The following ACSM2A variants were observed in gnomAD, a reference collection of about 807,000 sequenced individuals.
ACSM2A encodes acyl-CoA synthetase medium chain family member 2A.
In ACSM2A, 72 loss-of-function variants were observed where a neutral mutation model predicts 76.6. The ratio of observed to expected loss-of-function variants is 0.94; its 90% CI spans 0.78 to 1.14. The LOEUF (loss-of-function observed/expected upper bound fraction) is 1.14. Among genes scored for constraint, ACSM2A ranks in the 50% most tolerant of loss-of-function variants. ACSM2A has a pLI of 0.00. For missense variants in ACSM2A, 684 were observed against 708.5 expected, an observed-to-expected ratio of 0.97 and a Z score of 0.39; for synonymous variants, 249 against 255.9, an observed-to-expected ratio of 0.97 and a Z score of 0.26.
Position 20,483,224 on chromosome 16 carries a change from G to C in ACSM2A, c.1629+47G>C, listed in dbSNP as rs749480960. On this transcript the variant is annotated intron_variant, in intron 13 of 13. Transcript: ENST00000573854. ...GTCACTCAAACTTGAGAAATAGATTGTTTTCCTGTTATATTTATCTTCTTC... is the reference window on the plus strand; with the variant it reads ...GTCACTCAAACTTGAGAAATAGATTCTTTTCCTGTTATATTTATCTTCTTC... The C allele has an allele frequency of 3.7e-6, 6 of 1,603,726 alleles. No individual in the cohort carries two copies. In the South Asian group the frequency reaches 5.5e-5, roughly 15 times the overall value.
intron 10 of ACSM2A, among the ~76,000 whole-genome samples, chr16:20,479,478 G>A (rs770336495): frequency 6.6e-5 from 10 of 152,132 alleles, no homozygotes; most frequent in Non-Finnish European, 1.3e-4. Flanking sequence ...GCTCTACTAT[G>A]TATTGCATGA....
intron 2 of ACSM2A, among the ~76,000 whole-genome samples, chr16:20,462,178 G>T (rs1363616848): frequency 6.6e-6 from 1 of 152,130 alleles, no homozygotes; most frequent in Non-Finnish European, 1.5e-5. Context: ...AAGTTACAAA[G>T]TGTGACTTCT....
intron 12 of ACSM2A, 179 bp from the exon 13 acceptor site, chr16:20,482,879 C>T: frequency 1.0e-6 from 1 of 968,564 alleles, no homozygotes; most frequent in Non-Finnish European, 1.5e-6. Flanking sequence ...TAAATGACTT[C>T]AGAGAGAGCT....
In ACSM2A at chr16:20,471,093, A is replaced by G. The variant is rs1187792770; in HGVS notation, c.617A>G (p.His206Arg). ...GTCAGTGAGGCATCCACCACTCATC[A>G]CTGTGTGGAGACTGGAAGCCAGGAA... The part of the protein sequence containing the change: ...KLLNEASTTH[H>R]CVETGSQEAS... Residue 206 changes from histidine to arginine, a missense_variant, in exon 5 of 14, where the codon CAC (histidine) becomes CGC (arginine). By Grantham distance (29) the His-to-Arg change is conservative (BLOSUM62 0). Coordinates refer to ENST00000573854, the MANE Select transcript of ACSM2A (RefSeq NM_001308172.2). 1 of 1,613,442 alleles carries G rather than the reference A, an allele frequency of 6.2e-7. No homozygotes were observed. Among genetic ancestry groups the G allele is most frequent in the African/African-American group, 1.3e-5 (1 of 74,874 alleles).
intron 2 of ACSM2A, among the ~76,000 whole-genome samples, chr16:20,461,703 C>G (rs551159543): frequency 6.6e-6 from 1 of 152,248 alleles, no homozygotes; most frequent in Admixed American, 6.5e-5. Flanking sequence ...ATAAAAATTT[C>G]TCACCCTCCC....
At chr16:20,478,435 GT>G in intron 9 of ACSM2A, 140 bp from the exon 10 acceptor site, 1 of 914,696 alleles carries the variant, frequency 1.1e-6, no homozygotes, top group East Asian at 2.8e-5. Context: ...AGACTCTTGG[GT>G]TCCCCTGGCT....
chr16:20,465,872 C>G, intron 3 of ACSM2A, 145 bp downstream of exon 3: 2 of 1,426,232 alleles, frequency 1.4e-6, no homozygotes, highest in Non-Finnish European at 1.8e-6. Context: ...CTCCCTACTT[C>G]CACTTATTTA....
At chr16:20,460,525 A>C (rs1792339199) in intron 2 of ACSM2A, among the ~76,000 whole-genome samples, 1 of 152,124 alleles carries the variant, frequency 6.6e-6, no homozygotes. Context: ...GGCAGCCAAC[A>C]CACAGTTTGT....
intron 2 of ACSM2A, among the ~76,000 whole-genome samples, chr16:20,461,674 A>T (rs1379394650): frequency 2.0e-5 from 3 of 152,176 alleles, no homozygotes; most frequent in Admixed American, 6.5e-5. Flanking sequence ...AAAAAAGTGA[A>T]CTCAAATGGC....
chr16:20,475,222 C>T (rs866736598), intron 6 of ACSM2A, 140 bp from the exon 7 acceptor site: 63 of 1,544,108 alleles, frequency 4.1e-5, no homozygotes, highest in East Asian at 2.1e-4. Context: ...CTCATTTAAC[C>T]TGAATCAGAC....
chr16:20,477,557 T>G, intron 9 of ACSM2A, 108 bp downstream of exon 9: 1 of 1,444,848 alleles, frequency 6.9e-7, no homozygotes, highest in East Asian at 2.4e-5. Flanking sequence ...GTACTGATAT[T>G]AAGATAACAT....
At chr16:20,470,009 A>G (rs1234583727) in intron 4 of ACSM2A, among the ~76,000 whole-genome samples, 1 of 151,262 alleles carries the variant, frequency 6.6e-6, no homozygotes, top group Non-Finnish European at 1.5e-5. Flanking sequence ...ATCCATTAGC[A>G]TCTGGTCCCC....
Position 20,487,415 on chromosome 16 carries a change from C to A in ACSM2A, c.*737C>A, listed in dbSNP as rs140303504. On this transcript the variant is annotated 3_prime_UTR_variant, in exon 14 of 14. Transcript: ENST00000573854. ...GGGGTTGGGACATTAGAATCATCCA[C>A]AAGTCACCCCAAACCTTGGAACTGT... The A allele has an allele frequency of 6.6e-6, 1 of 152,232 alleles. No homozygotes were observed. Among genetic ancestry groups the A allele is most frequent in the African/African-American group, 2.4e-5 (1 of 41,444 alleles). The allele number at this position is 152,232 out of a possible 1,614,324, so 9.4% of individuals were successfully genotyped here.
Position 20,460,306 on chromosome 16 carries a change from A to T in ACSM2A, c.177+15A>T. 6.2e-7 allele frequency: 1 copy of T among 1,613,576 alleles called. No homozygotes were observed. Among genetic ancestry groups the T allele is most frequent in the South Asian group, 1.1e-5 (1 of 91,048 alleles). On this transcript the variant is annotated intron_variant, in intron 2 of 13. Coordinates refer to ENST00000573854, the MANE Select transcript of ACSM2A (RefSeq NM_001308172.2). ...ACATGGAGAAGGTAATGGGGTGGAA[A>T]AGAGGCACAGAGTGAGACAATTTTG...
At chr16:20,482,528 C>T (rs1488643887) in intron 12 of ACSM2A, 1 of 153,958 alleles carries the variant, frequency 6.5e-6, no homozygotes, top group African/African-American at 2.4e-5. Flanking sequence ...TATCATACCT[C>T]TGGTACGTAC....
At chr16:20,482,010 C>A (rs2014111903) in intron 12 of ACSM2A, 1 of 135,672 alleles carries the variant, frequency 7.4e-6, no homozygotes, top group Non-Finnish European at 1.6e-5. Context: ...TGGCAGGCAT[C>A]TGTAATCCCA....
intron 5 of ACSM2A, 129 bp from the exon 6 acceptor site, chr16:20,471,407 A>G (rs1596660186): frequency 6.7e-7 from 1 of 1,491,080 alleles, no homozygotes; most frequent in Non-Finnish European, 9.0e-7. Flanking sequence ...ACATATGCCT[A>G]TAAACCTGCA....
intron 2 of ACSM2A, 103 bp downstream of exon 2, chr16:20,460,394 G>A (rs916244645): frequency 7.4e-6 from 11 of 1,486,614 alleles, no homozygotes; most frequent in Admixed American, 4.4e-5. Flanking sequence ...TACATGTAAG[G>A]CACTGTAATA....
intron 4 of ACSM2A, among the ~76,000 whole-genome samples, chr16:20,470,082 G>A (rs181690516): frequency 1.2e-4 from 19 of 152,204 alleles, no homozygotes; most frequent in Admixed American, 3.9e-4. Flanking sequence ...GCACTCATGC[G>A]TGAAGAGTGG....
Sources: gnomAD v4.1 joint callset for allele counts (sites outside exome capture counted in the v4.1 genomes callset) on GRCh38, gnomAD v4.1.1 for gene constraint, MANE v1.5 for transcripts, NCBI Gene and HGNC (gene_info 2026-07-23, HGNC 2026-07-21) for gene names.